Variants in CACNB2 observed in about 807,000 individuals in gnomAD.
The protein encoded by CACNB2 is voltage-dependent L-type calcium channel subunit beta-2.
Under a neutral mutation model 73.3 loss-of-function variants are expected in CACNB2, and 42 were observed. The ratio of observed to expected loss-of-function variants is 0.57; its 90% CI spans 0.45 to 0.74. The LOEUF (loss-of-function observed/expected upper bound fraction) is 0.74, where lower values mean the gene tolerates loss of function less well. CACNB2 is among the 30% of genes least tolerant of loss of function. The pLI is 0.00. For synonymous variants in CACNB2, 348 were observed against 310.3 expected, an observed-to-expected ratio of 1.12 and a Z score of -1.28; for missense variants, 940 against 853.0, an observed-to-expected ratio of 1.10 and a Z score of -1.27.
intron 2 of CACNB2, among the ~76,000 whole-genome samples, chr10:18,398,294 G>T (rs915720620): frequency 6.6e-6 from 1 of 152,214 alleles, no homozygotes; most frequent in Non-Finnish European, 1.5e-5. Context: ...AACTGTGGCT[G>T]TCTTTGGATG....
At chr10:18,227,752 C>T (rs1318758294) in intron 2 of CACNB2, among the ~76,000 whole-genome samples, 3 of 152,160 alleles carry the variant, frequency 2.0e-5, no homozygotes, top group Admixed American at 6.5e-5. Context: ...GACAAGTATG[C>T]TGCGTGCCTC....
intron 2 of CACNB2, among the ~76,000 whole-genome samples, chr10:18,192,931 G>A (rs2034468251): frequency 1.3e-5 from 2 of 152,118 alleles, no homozygotes; most frequent in African/African-American, 4.8e-5. Context: ...TGGCTATTGT[G>A]AATTGAGCTG....
In CACNB2 at chr10:18,438,183, A is replaced by ATTTTTTTTTTTT. The variant is rs372226267; in HGVS notation, c.333+36148_333+36159dup. 4.5e-3 allele frequency among the ~76,000 whole-genome samples: 421 copies of ATTTTTTTTTTTT among 93,770 alleles called. 1 individual carries two copies. Among genetic ancestry groups the ATTTTTTTTTTTT allele is most frequent in the African/African-American group, 6.3e-3 (148 of 23,438 alleles). The allele number at this position is 93,770 out of a possible 152,430, so 61.5% of individuals were successfully genotyped here. On this transcript the variant is annotated intron_variant, in intron 3 of 13. Coordinates refer to ENST00000324631, the MANE Select transcript of CACNB2 (RefSeq NM_201596.3). The stretch of plus-strand genomic sequence containing the variant: ...CAGCCGCCCGCCAGCACACCTGGCG[A>ATTTTTTTTTTTT]TTTTTTTTTTTTTTTTTTTGTATTT...
intron 1 of CACNB2, among the ~76,000 whole-genome samples, chr10:18,145,662 A>G (rs12247369): frequency 0.17 from 26,532 of 152,104 alleles, 2,397 homozygotes; most frequent in African/African-American, 0.22. Flanking sequence ...TTAACCTCAT[A>G]GGGGATGGTG....
chr10:18,446,827 G>A (rs1589382971), intron 3 of CACNB2, among the ~76,000 whole-genome samples: 2 of 152,158 alleles, frequency 1.3e-5, no homozygotes, highest in African/African-American at 4.8e-5. Flanking sequence ...CAGTTTGGAA[G>A]GCCGAGGCAG....
chr10:18,446,296 T>C (rs997129025), intron 3 of CACNB2, among the ~76,000 whole-genome samples: 4 of 152,146 alleles, frequency 2.6e-5, no homozygotes, highest in Admixed American at 1.3e-4. Flanking sequence ...TTTCTTTCAT[T>C]GAGTGAAGGT....
At chr10:18,252,310 G>A (rs2037120781) in intron 2 of CACNB2, among the ~76,000 whole-genome samples, 1 of 152,194 alleles carries the variant, frequency 6.6e-6, no homozygotes, top group South Asian at 2.1e-4. Flanking sequence ...GCCTCCAGGA[G>A]AAATCGGTGT....
chr10:18,519,680 G>T (rs1484191045), intron 9 of CACNB2: 6 of 455,686 alleles, frequency 1.3e-5, no homozygotes, highest in African/African-American at 2.0e-5. Flanking sequence ...ACCTCATATT[G>T]CTCTAGGTGT....
chr10:18,526,925 C>A (rs745490329), intron 9 of CACNB2, among the ~76,000 whole-genome samples: 1 of 152,116 alleles, frequency 6.6e-6, no homozygotes, highest in African/African-American at 2.4e-5. Flanking sequence ...TACATACATA[C>A]CCTTGGATAA....
At position 18,289,292 on chromosome 10, in the gene CACNB2, GTTTTGTTTTT is replaced by G. The variant is rs2038954013; in HGVS notation, c.214-112627_214-112618del. ...CTTCATTTTTTTTTCTTGTTTTTTT[GTTTTGTTTTT>G]TTTTTTTTTTGAGATGGGGTCTCAC... is the stretch of plus-strand genomic sequence containing the variant. On this transcript the variant is annotated intron_variant, in intron 2 of 13. Transcript: ENST00000324631. Among the ~76,000 whole-genome samples the G allele has an allele frequency of 7.2e-5, 4 of 55,612 alleles. 2 individuals carry two copies. Among genetic ancestry groups the G allele is most frequent in the African/African-American group, 3.8e-4 (4 of 10,528 alleles). 36.5% of individuals were successfully genotyped at this position (55,612 alleles called of 152,430 possible).
chr10:18,379,935 T>C (rs2042946998), intron 2 of CACNB2, among the ~76,000 whole-genome samples: 2 of 151,798 alleles, frequency 1.3e-5, no homozygotes, highest in Admixed American at 1.3e-4. Flanking sequence ...AATCCTCCTG[T>C]CTTGGTCTCC....
intron 2 of CACNB2, among the ~76,000 whole-genome samples, chr10:18,353,671 G>A (rs1009071903): frequency 7.9e-5 from 12 of 152,086 alleles, no homozygotes; most frequent in Middle Eastern, 3.2e-3. Flanking sequence ...AATATTCCAG[G>A]GGTTATGAAC....
intron 3 of CACNB2, among the ~76,000 whole-genome samples, chr10:18,439,001 C>T (rs546460889): frequency 1.2e-4 from 19 of 152,132 alleles, no homozygotes; most frequent in Non-Finnish European, 2.5e-4. Context: ...TGAAGGTCAT[C>T]GGGGAGAAAA....
At chr10:18,509,003 T>C (rs570742176) in intron 6 of CACNB2, among the ~76,000 whole-genome samples, 149 of 152,322 alleles carry the variant, frequency 9.8e-4, no homozygotes, top group South Asian at 2.3e-3. Flanking sequence ...AAAAAGGTGA[T>C]TTAAATGTTC....
chr10:18,300,867 A>G (rs56008103), intron 2 of CACNB2, among the ~76,000 whole-genome samples: 20,906 of 151,146 alleles, frequency 0.14, 1,774 homozygotes, highest in South Asian at 0.21. Context: ...AAAAATAAAA[A>G]GCGCAATCCA....
chr10:18,223,543 C>T (rs1365059065), intron 2 of CACNB2, among the ~76,000 whole-genome samples: 1 of 152,034 alleles, frequency 6.6e-6, no homozygotes, highest in Non-Finnish European at 1.5e-5. Context: ...GTTTTTAATA[C>T]TTATGCAGAA....
At chr10:18,307,913 G>A (rs1351099201) in intron 2 of CACNB2, among the ~76,000 whole-genome samples, 1 of 147,348 alleles carries the variant, frequency 6.8e-6, no homozygotes, top group Non-Finnish European at 1.5e-5. Context: ...AGTAGCATGT[G>A]TGTATTACAC....
intron 2 of CACNB2, among the ~76,000 whole-genome samples, chr10:18,152,493 C>G (rs1039157393): frequency 2.6e-5 from 4 of 151,884 alleles, no homozygotes; most frequent in African/African-American, 9.7e-5. Context: ...ATGCGTTGGC[C>G]TCATGTTTTC....
chr10:18,430,090 A>G (rs983028848), intron 3 of CACNB2, among the ~76,000 whole-genome samples: 3 of 151,654 alleles, frequency 2.0e-5, no homozygotes, highest in Non-Finnish European at 2.9e-5. Flanking sequence ...TCTTCTATTT[A>G]TTTTACAATT....
Sources: allele counts gnomAD v4.1 joint callset (sites outside exome capture counted in the v4.1 genomes callset), GRCh38; gene constraint gnomAD v4.1.1; transcripts MANE v1.5; gene names NCBI Gene and HGNC (gene_info 2026-07-23, HGNC 2026-07-21).